Variants in PDK1 observed in about 807,000 individuals in gnomAD.
The protein encoded by PDK1 is [Pyruvate dehydrogenase (acetyl-transferring)] kinase isozyme 1, mitochondrial.
PDK1 carries 39 observed loss-of-function variants against 54.2 expected under a neutral mutation model. The ratio of observed to expected loss-of-function variants is 0.72; its 90% CI spans 0.56 to 0.94. The LOEUF is 0.94. PDK1 is among the 40% of genes least tolerant of loss of function. The pLI is 0.00. For synonymous variants in PDK1, 221 were observed against 207.1 expected (o/e 1.07, Z -0.58); for missense variants, 552 against 566.0 (o/e 0.98, Z 0.25).
At chr2:172,699,186 TTTAA>T in the PDK1 span, among the ~76,000 whole-genome samples, 1 of 152,222 alleles carries the variant, frequency 6.6e-6, no homozygotes, top group Non-Finnish European at 1.5e-5. Context: ...TGGCTAGAAA[TTTAA>T]TTACGCTATT....
rs1173429525 is a variant in PDK1 at position 172,573,295 on chromosome 2, G to A, written c.945+2471G>A. Among the ~76,000 whole-genome samples the A allele has an allele frequency of 2.0e-5, 3 of 152,260 alleles. No individual in the cohort carries two copies. The East Asian group carries it at 5.8e-4, about 29-fold the overall frequency. ...TTATAGACATTATTGTGAGTGTGAA[G>A]TGGTATCTCAGTGTGGTTTTTATTT... On this transcript the variant is annotated intron_variant, in intron 8 of 10. Transcript: ENST00000282077.
the PDK1 span, among the ~76,000 whole-genome samples, chr2:172,701,659 TTTTTG>T: frequency 6.6e-6 from 1 of 150,980 alleles, no homozygotes; most frequent in Admixed American, 6.6e-5. Flanking sequence ...TTTTTTTTTT[TTTTTG>T]GAACATGAGG....
At chr2:172,682,878 C>G in the PDK1 span, among the ~76,000 whole-genome samples, 2,075 of 152,178 alleles carry the variant, frequency 0.014, 9 homozygotes, top group Middle Eastern at 0.044. Flanking sequence ...AATAAAGAGG[C>G]TGGACCATGA....
chr2:172,633,866 G>GTTTT, the PDK1 span, among the ~76,000 whole-genome samples: 1 of 54,854 alleles, frequency 1.8e-5, no homozygotes, highest in Non-Finnish European at 3.9e-5. Flanking sequence ...TTTAGTCTAT[G>GTTTT]ATTTTTTTTT....
the PDK1 span, among the ~76,000 whole-genome samples, chr2:172,660,245 CTCTTTTTTTT>C: frequency 2.7e-4 from 15 of 55,662 alleles, no homozygotes; most frequent in Admixed American, 7.2e-4. Context: ...CTCTCTCTCT[CTCTTTTTTTT>C]TTTTTTTTTT....
chr2:172,683,831 A>G, the PDK1 span, among the ~76,000 whole-genome samples: 4 of 152,230 alleles, frequency 2.6e-5, no homozygotes, highest in African/African-American at 7.2e-5. Flanking sequence ...ATGAAAACCA[A>G]GCGAGTGGTG....
the PDK1 span, among the ~76,000 whole-genome samples, chr2:172,665,332 A>T: frequency 4.6e-5 from 7 of 152,086 alleles, no homozygotes; most frequent in Non-Finnish European, 7.4e-5. Flanking sequence ...ATCCTTCACA[A>T]GCTTCCCTAT....
chr2:172,690,849 TGGG>T, the PDK1 span, among the ~76,000 whole-genome samples: 3 of 26,770 alleles, frequency 1.1e-4, no homozygotes, highest in Admixed American at 9.8e-4. Flanking sequence ...TGGGGCCTGT[TGGG>T]GGGGTGGGGA....
intron 8 of PDK1, among the ~76,000 whole-genome samples, chr2:172,585,586 A>G (rs1690178684): frequency 6.6e-6 from 1 of 152,004 alleles, no homozygotes; most frequent in South Asian, 2.1e-4. Flanking sequence ...TCTGCCTTCC[A>G]AAGTGCTGGG....
the PDK1 span, among the ~76,000 whole-genome samples, chr2:172,669,579 T>A: frequency 6.6e-6 from 1 of 152,170 alleles, no homozygotes; most frequent in Non-Finnish European, 1.5e-5. Context: ...TTATTTTTAG[T>A]TTTTTTGAGG....
chr2:172,691,822 G>A, the PDK1 span, among the ~76,000 whole-genome samples: 1 of 152,202 alleles, frequency 6.6e-6, no homozygotes, highest in East Asian at 1.9e-4. Flanking sequence ...ATCTACTGAA[G>A]GACATCTTGG....
the PDK1 span, among the ~76,000 whole-genome samples, chr2:172,667,060 A>G: frequency 7.2e-5 from 11 of 152,190 alleles, no homozygotes; most frequent in African/African-American, 2.7e-4. Context: ...CTTTTCGTGT[A>G]ACCATCATTC....
the PDK1 span, among the ~76,000 whole-genome samples, chr2:172,700,976 A>G: frequency 6.6e-6 from 1 of 152,146 alleles, no homozygotes; most frequent in Non-Finnish European, 1.5e-5. Context: ...TCGGCTTGGC[A>G]TCAGAGGGAG....
intron 3 of PDK1, among the ~76,000 whole-genome samples, chr2:172,563,835 A>T (rs1358853131): frequency 7.1e-6 from 1 of 141,678 alleles, no homozygotes; most frequent in African/African-American, 2.6e-5. Flanking sequence ...ATTCCATCTC[A>T]AAAAAAAAAA....
chr2:172,562,134 C>G (rs1308577999), intron 2 of PDK1, 86 bp from the exon 3 acceptor site: 3 of 746,802 alleles, frequency 4.0e-6, no homozygotes, highest in Non-Finnish European at 6.9e-6. Flanking sequence ...TTATAAAATG[C>G]TAAAAATAGC....
the PDK1 span, among the ~76,000 whole-genome samples, chr2:172,635,609 C>A: frequency 6.6e-6 from 1 of 152,170 alleles, no homozygotes; most frequent in Non-Finnish European, 1.5e-5. Flanking sequence ...AGCCACCGCA[C>A]CCTGTATTAA....
rs1219335306 is a variant in PDK1, at chr2:172,607,886, C to G, written c.*11917C>G. The G allele has an allele frequency of 6.6e-6, 1 of 152,156 alleles. No homozygotes were observed. Among genetic ancestry groups the G allele is most frequent in the Non-Finnish European group, 1.5e-5 (1 of 68,038 alleles). 9.4% of individuals were successfully genotyped at this position (152,156 alleles called of 1,614,324 possible). A position where few individuals can be genotyped will look rare whatever the true frequency, so the allele number is the denominator to read the frequency against. Reference sequence around the variant, plus strand: ...ACCATACTCAGTGTATACTTACACTCCAAGACATTTCCTGGGCAGTGATCT... The same window carrying G: ...ACCATACTCAGTGTATACTTACACTGCAAGACATTTCCTGGGCAGTGATCT... On this transcript the variant is annotated 3_prime_UTR_variant, in exon 11 of 11. Transcript: ENST00000282077.
chr2:172,627,595 G>GACTCCTT, the PDK1 span, among the ~76,000 whole-genome samples: 11 of 152,242 alleles, frequency 7.2e-5, no homozygotes, highest in African/African-American at 2.6e-4. Context: ...ATGTGAGATG[G>GACTCCTT]AGTAAGGACC....
chr2:172,611,236 G>A (rs1361818413), downstream of PDK1, among the ~76,000 whole-genome samples: 2 of 152,104 alleles, frequency 1.3e-5, 1 homozygote, highest in Non-Finnish European at 2.9e-5. Flanking sequence ...TTACTAGTAA[G>A]AACTTCATAT....
Sources: allele counts gnomAD v4.1 joint callset (sites outside exome capture counted in the v4.1 genomes callset), GRCh38; gene constraint gnomAD v4.1.1; transcripts MANE v1.5; gene names NCBI Gene and HGNC (gene_info 2026-07-23, HGNC 2026-07-21).